Variants in DYNC2LI1 observed in about 807,000 individuals in gnomAD.
The protein encoded by DYNC2LI1 is cytoplasmic dynein 2 light intermediate chain 1.
DYNC2LI1 carries 45 observed loss-of-function variants against 51.9 expected under a neutral mutation model. The ratio of observed to expected loss-of-function variants is 0.87; its 90% CI spans 0.68 to 1.11. The LOEUF (loss-of-function observed/expected upper bound fraction) is 1.11, where lower values mean the gene tolerates loss of function less well. DYNC2LI1 is among the 50% of genes most tolerant of loss of function. The pLI is 0.00. For synonymous variants in DYNC2LI1, 130 were observed against 137.8 expected (o/e 0.94, Z 0.40); for missense variants, 490 against 417.4 (o/e 1.17, Z -1.51).
chr2:43,826,231 C>T, the DYNC2LI1 span: 1 of 1,073,676 alleles, frequency 9.3e-7, no homozygotes, highest in Non-Finnish European at 1.4e-6. Flanking sequence ...AACTCCTGGC[C>T]TCAAGTGCTC....
chr2:43,792,677 T>C, intron 5 of DYNC2LI1: 1 of 1,544,052 alleles, frequency 6.5e-7, no homozygotes, highest in Non-Finnish European at 8.7e-7. Flanking sequence ...CTTCCCCAGC[T>C]CCTGGCAACT....
the DYNC2LI1 span, among the ~76,000 whole-genome samples, chr2:43,818,951 G>A: frequency 3.9e-5 from 6 of 152,082 alleles, no homozygotes; most frequent in African/African-American, 1.4e-4. Context: ...TGACTCATAG[G>A]TCAGCCTCTC....
intron 2 of DYNC2LI1, among the ~76,000 whole-genome samples, chr2:43,782,799 T>C (rs543262779): frequency 9.0e-4 from 137 of 152,150 alleles, no homozygotes; most frequent in African/African-American, 3.2e-3. Context: ...CTAGCCAACA[T>C]GGCAAAACCT....
chr2:43,800,793 G>A (rs1666050428), intron 8 of DYNC2LI1, 48 bp from the exon 9 acceptor site: 3 of 1,057,340 alleles, frequency 2.8e-6, no homozygotes, highest in African/African-American at 1.6e-5. Flanking sequence ...ACCTGTTTCT[G>A]TGATTGGAAA....
At chr2:43,780,992 T>G (rs758660360) in intron 2 of DYNC2LI1, among the ~76,000 whole-genome samples, 1 of 152,216 alleles carries the variant, frequency 6.6e-6, no homozygotes, top group Non-Finnish European at 1.5e-5. Flanking sequence ...AATCTAAAAC[T>G]TGATTTCAGT....
chr2:43,790,064 T>A (rs551451800), intron 5 of DYNC2LI1, among the ~76,000 whole-genome samples: 3 of 152,354 alleles, frequency 2.0e-5, no homozygotes, highest in African/African-American at 7.2e-5. Flanking sequence ...TCCATCTCAG[T>A]ATGAGTTAAT....
chr2:43,820,817 C>T, the DYNC2LI1 span, among the ~76,000 whole-genome samples: 1 of 152,050 alleles, frequency 6.6e-6, no homozygotes, highest in Admixed American at 6.6e-5. Context: ...CCACACCCAG[C>T]TAATTTTTTT....
the DYNC2LI1 span, among the ~76,000 whole-genome samples, chr2:43,815,392 T>C: frequency 6.6e-6 from 1 of 152,234 alleles, no homozygotes; most frequent in Middle Eastern, 3.2e-3. Flanking sequence ...GTTGGAGATA[T>C]AGAATATATC....
At chr2:43,824,588 G>A in the DYNC2LI1 span, 8 of 985,312 alleles carry the variant, frequency 8.1e-6, no homozygotes, top group East Asian at 5.7e-4. Flanking sequence ...ATACTTTAAA[G>A]CATCCCAGCA....
chr2:43,804,709 A>G lies in DYNC2LI1; in HGVS notation c.870A>G (p.Lys290=), dbSNP rs1318821494. The G allele has an allele frequency of 6.2e-7, 1 of 1,606,116 alleles. No homozygotes were observed. The highest frequency in any genetic ancestry group is 8.5e-7 in the Non-Finnish European group (1 of 1,177,154). ...CCCACTCACCTATGGAGTTGTGGAA[A>G]AAAGTGTATGAAAAGCTCTTTCCAC... The part of the protein sequence containing the change: ...LHAHSPMELW[K]KVYEKLFPPK... Residue 290 remains lysine, a synonymous_variant, in exon 11 of 13, where the codon AAA becomes AAG. Transcript: ENST00000260605.
At chr2:43,776,098 C>G (rs981493025) in intron 1 of DYNC2LI1, among the ~76,000 whole-genome samples, 1 of 151,760 alleles carries the variant, frequency 6.6e-6, no homozygotes, top group African/African-American at 2.4e-5. Context: ...AGGTTTGTTA[C>G]ATATGTATAC....
chr2:43,824,730 G>A, the DYNC2LI1 span: 4 of 924,164 alleles, frequency 4.3e-6, no homozygotes, highest in Non-Finnish European at 5.2e-6. Context: ...GTCATCTCTG[G>A]CAAGTTCATT....
chr2:43,820,831 T>G, the DYNC2LI1 span, among the ~76,000 whole-genome samples: 1 of 152,084 alleles, frequency 6.6e-6, no homozygotes, highest in African/African-American at 2.4e-5. Flanking sequence ...TTTTTTTGTA[T>G]TTAGTAGAGA....
intron 12 of DYNC2LI1, 73 bp downstream of exon 12, chr2:43,805,319 T>G: frequency 1.1e-6 from 1 of 885,304 alleles, no homozygotes; most frequent in Non-Finnish European, 1.8e-6. Context: ...GGGAATTCCT[T>G]ACATTTTTCT....
At position 43,805,179 on chromosome 2, in the gene DYNC2LI1, A is replaced by T; in HGVS notation, c.926A>T (p.Lys309Met). Residue 309 changes from lysine to methionine, a missense_variant, in exon 12 of 13, where the codon AAG (lysine) becomes ATG (methionine). Coordinates refer to ENST00000260605, the MANE Select transcript of DYNC2LI1 (RefSeq NM_016008.4). ...PKSINTLKDIKDPARDPQYAE... is the reference protein window; with the variant it reads ...PKSINTLKDIMDPARDPQYAE... ...AGTATTAACACGCTGAAAGATATCA[A>T]GGACCCTGCGAGAGATCCTCAGTAT... The T allele has an allele frequency of 1.9e-6, 3 of 1,611,940 alleles. No homozygotes were observed. In the African/African-American group the frequency reaches 4.0e-5, roughly 21 times the overall value.
At chr2:43,809,224 T>C (rs1411835425) in intron 12 of DYNC2LI1, among the ~76,000 whole-genome samples, 1 of 152,106 alleles carries the variant, frequency 6.6e-6, no homozygotes, top group African/African-American at 2.4e-5. Flanking sequence ...ATTCCTGGGC[T>C]CAAGCAATTC....
At chr2:43,822,617 G>C in the DYNC2LI1 span, 1 of 985,046 alleles carries the variant, frequency 1.0e-6, no homozygotes, top group Non-Finnish European at 1.2e-6. Flanking sequence ...GCAACCCACA[G>C]TTGGGCTATT....
chr2:43,779,939 C>T (rs1673195586), intron 2 of DYNC2LI1, among the ~76,000 whole-genome samples: 1 of 152,150 alleles, frequency 6.6e-6, no homozygotes, highest in Non-Finnish European at 1.5e-5. Context: ...CTGGGGCAGT[C>T]TTTGCTGGTT....
the DYNC2LI1 span, chr2:43,826,519 C>A: frequency 1.2e-6 from 2 of 1,614,196 alleles, no homozygotes; most frequent in South Asian, 2.2e-5. Context: ...AACAGCATGA[C>A]CTCTGCCAGC....
Sources: gnomAD v4.1 joint callset for allele counts (sites outside exome capture counted in the v4.1 genomes callset) on GRCh38, gnomAD v4.1.1 for gene constraint, MANE v1.5 for transcripts, NCBI Gene and HGNC (gene_info 2026-07-23, HGNC 2026-07-21) for gene names.